Variants in HTR4 observed in about 807,000 individuals in gnomAD.
HTR4 encodes the protein 5-hydroxytryptamine receptor 4.
In HTR4, 16 loss-of-function variants were observed where a neutral mutation model predicts 36.8. That is an observed-to-expected ratio of 0.43 (90% CI 0.29 to 0.66). The LOEUF (loss-of-function observed/expected upper bound fraction) is 0.66, where lower values mean the gene tolerates loss of function less well. Among genes scored for constraint, HTR4 ranks in the 30% least tolerant of loss-of-function variants. HTR4 has a pLI of 0.13. For synonymous variants in HTR4, 189 were observed against 185.1 expected (o/e 1.02, Z -0.17); for missense variants, 438 against 490.9 (o/e 0.89, Z 1.02).
downstream of HTR4, chr5:148,481,541 T>A (rs58336229): frequency 6.8e-4 from 1,044 of 1,525,790 alleles, 12 homozygotes; most frequent in African/African-American, 0.013. Flanking sequence ...GAGGCTTTTT[T>A]TTTTCTTTTT....
chr5:148,582,043 C>A (rs1761156218), intron 2 of HTR4, among the ~76,000 whole-genome samples: 1 of 151,924 alleles, frequency 6.6e-6, no homozygotes, highest in African/African-American at 2.4e-5. Flanking sequence ...AGTCTTTCAC[C>A]TCCTTAGTTA....
At chr5:148,504,149 A>G (rs569133799) in intron 6 of HTR4, among the ~76,000 whole-genome samples, 1 of 152,364 alleles carries the variant, frequency 6.6e-6, no homozygotes, top group South Asian at 2.1e-4. Flanking sequence ...CAGACCTAAT[A>G]GACGTCTACA....
intron 2 of HTR4, among the ~76,000 whole-genome samples, chr5:148,568,599 T>A (rs1443460540): frequency 6.6e-6 from 1 of 152,066 alleles, no homozygotes; most frequent in African/African-American, 2.4e-5. Flanking sequence ...GCCAGGAAAT[T>A]GTAACTTCAA....
At chr5:148,535,886 CT>C (rs1261782475) in intron 4 of HTR4, among the ~76,000 whole-genome samples, 4 of 152,082 alleles carry the variant, frequency 2.6e-5, no homozygotes, top group Admixed American at 1.3e-4. Context: ...ATATAGAGAA[CT>C]CCTGCAAGAT....
At chr5:148,490,968 C>G in intron 6 of HTR4, 1 of 394,572 alleles carries the variant, frequency 2.5e-6, no homozygotes, top group Non-Finnish European at 4.9e-6. Flanking sequence ...ATGGCATTTA[C>G]CCTCTTCTGA....
intron 5 of HTR4, among the ~76,000 whole-genome samples, chr5:148,513,870 C>T (rs7705510): frequency 0.17 from 26,381 of 151,924 alleles, 3,910 homozygotes; most frequent in African/African-American, 0.39. Flanking sequence ...TATGCTTTTA[C>T]TCTGTTGTAA....
intron 1 of HTR4, among the ~76,000 whole-genome samples, chr5:148,647,835 C>A (rs879606506): frequency 6.6e-6 from 1 of 152,120 alleles, no homozygotes; most frequent in Non-Finnish European, 1.5e-5. Flanking sequence ...GCTGACAGAG[C>A]GAGACTCCAT....
At chr5:148,575,620 T>A (rs1760865121) in intron 2 of HTR4, among the ~76,000 whole-genome samples, 1 of 152,102 alleles carries the variant, frequency 6.6e-6, no homozygotes, top group Non-Finnish European at 1.5e-5. Context: ...CATTATTATT[T>A]ATGGACTCAT....
intron 6 of HTR4, among the ~76,000 whole-genome samples, chr5:148,486,775 G>A (rs141143786): frequency 1.9e-4 from 29 of 152,280 alleles, no homozygotes; most frequent in Non-Finnish European, 3.7e-4. Flanking sequence ...CACAGGGAGG[G>A]TAATTTTGGA....
In HTR4 at chr5:148,633,082, G is replaced by A. The variant is rs1753383937; in HGVS notation, c.26+3907C>T. ...ACAGACCAATAAAACAGATCAGGTG[G>A]GTGTCAGATTGTCTGGAAAGAGCTG... is the stretch of plus-strand genomic sequence containing the variant. On this transcript the variant is annotated intron_variant, in intron 2 of 6. Coordinates refer to ENST00000377888, the MANE Select transcript of HTR4 (RefSeq NM_000870.7). Among the ~76,000 whole-genome samples, 4 of 152,092 alleles carry A rather than the reference G, an allele frequency of 2.6e-5. 1 individual carries two copies. Among genetic ancestry groups the A allele is most frequent in the African/African-American group, 9.7e-5 (4 of 41,418 alleles).
chr5:148,479,123 G>A (rs1027969448), downstream of HTR4, among the ~76,000 whole-genome samples: 1 of 152,122 alleles, frequency 6.6e-6, no homozygotes, highest in East Asian at 1.9e-4. Flanking sequence ...TCTGAGAGTA[G>A]CTGGACAGGA....
intron 2 of HTR4, among the ~76,000 whole-genome samples, chr5:148,577,480 C>T (rs960982400): frequency 2.0e-5 from 3 of 151,740 alleles, no homozygotes; most frequent in African/African-American, 4.8e-5. Context: ...TATGCCCAGG[C>T]GAATATAAAT....
chr5:148,648,601 C>A (rs1221350723), intron 1 of HTR4, among the ~76,000 whole-genome samples: 1 of 152,206 alleles, frequency 6.6e-6, no homozygotes, highest in African/African-American at 2.4e-5. Context: ...GAAGTCAAAT[C>A]TGAGTTTAAA....
chr5:148,475,507 A>G (rs1173114437), downstream of HTR4, among the ~76,000 whole-genome samples: 1 of 152,160 alleles, frequency 6.6e-6, no homozygotes, highest in African/African-American at 2.4e-5. Context: ...AAGACACTGA[A>G]TGACAAGTAG....
intron 2 of HTR4, among the ~76,000 whole-genome samples, chr5:148,634,934 A>T (rs1288196388): frequency 6.6e-6 from 1 of 152,164 alleles, no homozygotes; most frequent in Non-Finnish European, 1.5e-5. Context: ...ATGCTTTTAA[A>T]ATAATAAAAT....
In HTR4 at chr5:148,550,205, C is replaced by T. The variant is rs371239392; in HGVS notation, c.84G>A (p.Thr28=). The change falls in exon 3 of 7, where the codon ACG becomes ACA. Residue 28 remains threonine (T), a synonymous_variant. Transcript: ENST00000377888. ...EKVVLLTFLS[T]VILMAILGNL... is the part of the protein sequence containing the mutation. ...TCCCCAAGATGGCCATCAGGATAAC[C>T]GTCGAGAGAAACGTGAGCAGCACCA... is the stretch of plus-strand genomic sequence containing the variant. 1.9e-5 allele frequency: 31 copies of T among 1,614,094 alleles called. No individual in the cohort carries two copies. In the East Asian group the frequency reaches 3.8e-4, roughly 20 times the overall value.
chr5:148,516,042 A>G (rs1042554469), intron 5 of HTR4, among the ~76,000 whole-genome samples: 2 of 150,508 alleles, frequency 1.3e-5, no homozygotes, highest in Non-Finnish European at 3.0e-5. Context: ...ATATTCTGAT[A>G]TGATACATAT....
chr5:148,485,967 A>G (rs974345907), intron 6 of HTR4, among the ~76,000 whole-genome samples: 1 of 152,180 alleles, frequency 6.6e-6, no homozygotes, highest in Non-Finnish European at 1.5e-5. Flanking sequence ...GCTTCAATAT[A>G]TTGGCTCTCT....
intron 6 of HTR4, among the ~76,000 whole-genome samples, chr5:148,498,303 A>G (rs1389071521): frequency 6.6e-6 from 1 of 152,184 alleles, no homozygotes; most frequent in Non-Finnish European, 1.5e-5. Flanking sequence ...AGGCCCCACA[A>G]TATCAGAGTG....
Sources: allele counts gnomAD v4.1 joint callset (sites outside exome capture counted in the v4.1 genomes callset), GRCh38; gene constraint gnomAD v4.1.1; transcripts MANE v1.5; gene names NCBI Gene and HGNC (gene_info 2026-07-23, HGNC 2026-07-21).